The following PRRC2B variants were observed in gnomAD, a reference collection of about 807,000 sequenced individuals.
PRRC2B encodes proline rich coiled-coil 2B, also known as protein PRRC2B.
PRRC2B carries 68 observed loss-of-function variants against 242.3 expected under a neutral mutation model. The ratio of observed to expected loss-of-function variants is 0.28; its 90% CI spans 0.23 to 0.34. The LOEUF (loss-of-function observed/expected upper bound fraction) is 0.34, where lower values mean the gene tolerates loss of function less well. Among genes scored for constraint, PRRC2B ranks in the 10% least tolerant of loss-of-function variants. The pLI, the probability that PRRC2B is intolerant of heterozygous loss-of-function variation, is 1.00. For missense variants in PRRC2B, 2,835 were observed against 2,954.8 expected (o/e 0.96, Z 0.94); for synonymous variants, 1,228 against 1,173.6 (o/e 1.05, Z -0.95).
rs186175251 is a variant in PRRC2B at position 131,474,496 on chromosome 9, C to T, written c.2367C>T (p.Gly789=). Residue 789 remains glycine (G), a synonymous_variant, in exon 16 of 32, where the codon GGC becomes GGT. Coordinates refer to ENST00000683519, the MANE Select transcript of PRRC2B (RefSeq NM_013318.4). The part of the protein sequence containing the change: ...SFSASLGRAG[G]VSAQRDLFEE... ...CTGCCTCACTCGGAAGGGCAGGGGG[C>T]GTAAGTGCTCAGCGCGATCTCTTTG... 6.0e-5 allele frequency: 97 copies of T among 1,613,884 alleles called. No homozygotes were observed. In the African/African-American group the frequency reaches 1.1e-3, roughly 19 times the overall value.
intron 15 of PRRC2B, 39 bp downstream of exon 15, chr9:131,473,763 G>A: frequency 6.5e-7 from 1 of 1,544,316 alleles, no homozygotes; most frequent in East Asian, 2.3e-5. Context: ...GCCACTGAAG[G>A]AGGACTCCAG....
chr9:131,457,603 C>G (rs1291418065), intron 10 of PRRC2B, among the ~76,000 whole-genome samples: 1 of 152,164 alleles, frequency 6.6e-6, no homozygotes, highest in Non-Finnish European at 1.5e-5. Context: ...CCAAAACTTG[C>G]CCTGACTCTG....
rs1432137458 is a variant in PRRC2B, at chr9:131,403,584, A to C, written c.-52+9321A>C. Among the ~76,000 whole-genome samples the C allele has an allele frequency of 2.0e-5, 3 of 150,362 alleles. No homozygotes were observed. The East Asian group carries it at 5.9e-4, about 29-fold the overall frequency. On this transcript the variant is annotated intron_variant, in intron 1 of 31. Transcript: ENST00000683519. Reference sequence around the variant, plus strand: ...TGCCCAGGCTGGTCGCAAACTCCTGAGCTCAGGCCATCTGTCCACCTCAGC... The same window carrying C: ...TGCCCAGGCTGGTCGCAAACTCCTGCGCTCAGGCCATCTGTCCACCTCAGC...
chr9:131,388,054 C>T lies in PRRC2B; in HGVS notation c.-56+14323C>T, dbSNP rs944235127. Among the ~76,000 whole-genome samples, 5 of 149,338 alleles carry T rather than the reference C, an allele frequency of 3.3e-5. 1 individual carries two copies. Among genetic ancestry groups the T allele is most frequent in the Non-Finnish European group, 7.4e-5 (5 of 67,276 alleles). On this transcript the variant is annotated intron_variant, in intron 1 of 1. Coordinates refer to the PRRC2B transcript ENST00000682525. ...TAAAATACAAAAAGTTAGCTGGGTG[C>T]GATGGCACACGCTATGTAGGAGGCT...
intron 1 of PRRC2B, among the ~76,000 whole-genome samples, chr9:131,404,678 C>G (rs1837318959): frequency 6.6e-6 from 1 of 152,212 alleles, no homozygotes; most frequent in South Asian, 2.1e-4. Context: ...ATTCTTCAAG[C>G]ATGCTGCTGC....
At chr9:131,407,476 C>A (rs1431177172) in intron 1 of PRRC2B, among the ~76,000 whole-genome samples, 1 of 152,138 alleles carries the variant, frequency 6.6e-6, no homozygotes, top group Non-Finnish European at 1.5e-5. Context: ...ATGCCCTTGG[C>A]GTAGTAATCC....
chr9:131,433,987 C>T (rs970077733), intron 3 of PRRC2B, among the ~76,000 whole-genome samples: 4 of 152,152 alleles, frequency 2.6e-5, no homozygotes, highest in Non-Finnish European at 5.9e-5. Flanking sequence ...AATCTACCAG[C>T]CCTAAGTGGT....
rs1015135750 is a variant in PRRC2B, at chr9:131,475,847, G to A, written c.3718G>A (p.Gly1240Ser). The A allele has an allele frequency of 9.9e-6, 16 of 1,613,482 alleles. No individual in the cohort carries two copies. The highest frequency in any genetic ancestry group is 1.3e-5 in the African/African-American group (1 of 74,928). ...KSPGSSWQEY[G>S]PSDTCGSRRP... The stretch of plus-strand genomic sequence containing the variant: ...TCCAGGCAGCTCTTGGCAGGAATAT[G>A]GCCCTTCCGACACATGCGGATCCCG... The change falls in exon 16 of 32, where the codon GGC (glycine) becomes AGC (serine). Residue 1240 changes from glycine (G) to serine (S), a missense_variant. Transcript: ENST00000683519.
In PRRC2B at chr9:131,487,210, T is replaced by TGCAGGC; in HGVS notation, c.5901_5906dup (p.Ala1971_Gln1972dup). 1 of 1,613,764 alleles carries TGCAGGC rather than the reference T, an allele frequency of 6.2e-7. No homozygotes were observed. The highest frequency in any genetic ancestry group is 8.5e-7 in the Non-Finnish European group (1 of 1,179,724). On this transcript the variant is annotated inframe_insertion, in exon 27 of 32. Coordinates refer to ENST00000683519, the MANE Select transcript of PRRC2B (RefSeq NM_013318.4). This position sits in a 1 kb window ranked among gnomAD's most constrained non-coding sequence, Gnocchi z 5.3. ...ATCCCGATCTCCCTTCACACATCTC[T>TGCAGGC]GCAGGCACAAGCTCAGCTTGGACTG...
chr9:131,482,492 G>C lies in PRRC2B; in HGVS notation c.5105G>C (p.Ser1702Thr). 1 of 1,612,034 alleles carries C rather than the reference G, an allele frequency of 6.2e-7. No homozygotes were observed. The highest frequency in any genetic ancestry group is 8.5e-7 in the Non-Finnish European group (1 of 1,178,234). ...GGGACTCTGAAGCCAGAGGAGATGA[G>C]CGGGCCCGGCCTGGCGGAACCCAAG... The part of the protein sequence containing the change: ...PYGTLKPEEM[S>T]GPGLAEPKAD... Residue 1702 changes from serine (S) to threonine (T), a missense_variant, in exon 21 of 32, where the codon AGC becomes ACC. Physicochemically the swap from Ser to Thr is moderately conservative, Grantham distance 58. Around this residue, in one of 7 missense-constraint regions of PRRC2B, gnomAD observed 51 missense variants for 45.1 expected, o/e 1.13. Transcript: ENST00000683519. The surrounding 1 kb of genome is among the most constrained non-coding windows in gnomAD (Gnocchi z 5.2).
intron 1 of PRRC2B, among the ~76,000 whole-genome samples, chr9:131,407,974 C>G (rs1243786605): frequency 6.6e-6 from 1 of 152,168 alleles, no homozygotes; most frequent in Non-Finnish European, 1.5e-5. Context: ...ACCGGGGTAA[C>G]GGGAGGCATT....
In PRRC2B at chr9:131,482,275, G is replaced by A; in HGVS notation, c.4984-96G>A. ...GACCAGACTTGGCAAGGGACAGGCA[G>A]CTGGGGTAGAAAAGTCTCTGTGCCA... On this transcript the variant is annotated intron_variant, in intron 20 of 31. Coordinates refer to ENST00000683519, the MANE Select transcript of PRRC2B (RefSeq NM_013318.4). This position sits in a 1 kb window ranked among gnomAD's most constrained non-coding sequence, Gnocchi z 5.2. The A allele has an allele frequency of 7.4e-7, 1 of 1,344,150 alleles. No homozygotes were observed. The highest frequency in any genetic ancestry group is 1.0e-6 in the Non-Finnish European group (1 of 979,196). The allele number at this position is 1,344,150 out of a possible 1,614,324, so 83.3% of individuals were successfully genotyped here. A position where few individuals can be genotyped will look rare whatever the true frequency, so the allele number is the denominator to read the frequency against.
At chr9:131,409,386 G>A (rs775527383) in intron 1 of PRRC2B, among the ~76,000 whole-genome samples, 2 of 152,052 alleles carry the variant, frequency 1.3e-5, no homozygotes, top group African/African-American at 2.4e-5. Flanking sequence ...CACCATGTTG[G>A]TTGGCCAGGC....
intron 11 of PRRC2B, among the ~76,000 whole-genome samples, chr9:131,459,712 C>T (rs546942205): frequency 2.6e-5 from 4 of 151,866 alleles, no homozygotes; most frequent in African/African-American, 9.7e-5. Context: ...TCATTTCATT[C>T]ATTTTTTGTA....
rs745695845 is a variant in PRRC2B at position 131,439,035 on chromosome 9, A to T, written c.443A>T (p.Asn148Ile). 6.2e-7 allele frequency: 1 copy of T among 1,613,824 alleles called. No homozygotes were observed. The highest frequency in any genetic ancestry group is 8.5e-7 in the Non-Finnish European group (1 of 1,179,798). The change falls in exon 5 of 32, where the codon AAT (asparagine) becomes ATT (isoleucine). Residue 148 changes from asparagine (N) to isoleucine (I), a missense_variant. Coordinates refer to ENST00000683519, the MANE Select transcript of PRRC2B (RefSeq NM_013318.4). ...PGGPKSWAQL[N>I]GKPVGHEGGL... ...GGACCAAAGTCATGGGCACAGCTGA[A>T]TGGAAAGCCAGTAGGACACGAAGGT...
At chr9:131,451,147 C>T (rs936170229) in intron 9 of PRRC2B, among the ~76,000 whole-genome samples, 1 of 152,130 alleles carries the variant, frequency 6.6e-6, no homozygotes, top group Non-Finnish European at 1.5e-5. Context: ...CGCCTGTAAT[C>T]CCACCACTTT....
chr9:131,412,691 G>C (rs535054526), intron 1 of PRRC2B, among the ~76,000 whole-genome samples: 1 of 152,164 alleles, frequency 6.6e-6, no homozygotes, highest in South Asian at 2.1e-4. Context: ...AATCCCAGCA[G>C]CTTTTCTTTT....
At chr9:131,407,603 T>C (rs1267282054) in intron 1 of PRRC2B, among the ~76,000 whole-genome samples, 1 of 152,212 alleles carries the variant, frequency 6.6e-6, no homozygotes, top group African/African-American at 2.4e-5. Context: ...CATGCACGGC[T>C]TCTGGGGTCC....
At chr9:131,433,359 C>G (rs777293945) in intron 3 of PRRC2B, among the ~76,000 whole-genome samples, 2 of 152,200 alleles carry the variant, frequency 1.3e-5, no homozygotes, top group Non-Finnish European at 2.9e-5. Context: ...CCTGGAGGCT[C>G]ACCTCCTGCC....
Sources: gnomAD v4.1 joint callset for allele counts (sites outside exome capture counted in the v4.1 genomes callset) on GRCh38, gnomAD v4.1.1 for gene constraint, gnomAD v4.1.1 regional missense constraint, Gnocchi (gnomAD v3.1) non-coding constraint, MANE v1.5 for transcripts, NCBI Gene and HGNC (gene_info 2026-07-23, HGNC 2026-07-21) for gene names.